The following CHLSN variants were observed in gnomAD, a reference collection of about 807,000 sequenced individuals.
CHLSN encodes protein cholesin.
chr7:1,050,201 T>C, the CHLSN span, among the ~76,000 whole-genome samples: 16 of 152,222 alleles, frequency 1.1e-4, no homozygotes, highest in Admixed American at 9.2e-4. Context: ...AGCCTGCCTG[T>C]GCACCCTGTG....
the CHLSN span, chr7:1,091,913 C>T: frequency 3.1e-6 from 5 of 1,613,984 alleles, no homozygotes; most frequent in African/African-American, 1.3e-5. Flanking sequence ...CTGTTCCTCT[C>T]GTGCCTCTAC....
chr7:1,028,193 TG>T, the CHLSN span: 1 of 977,762 alleles, frequency 1.0e-6, no homozygotes, highest in Non-Finnish European at 1.2e-6. Context: ...GGGGCGGGGC[TG>T]GGGCAGGGCC....
At chr7:1,041,411 CGGGACCTGGGGTCCGCGCTGCGGGGAAG>C in the CHLSN span, among the ~76,000 whole-genome samples, 1,441 of 111,784 alleles carry the variant, frequency 0.013, 21 homozygotes, top group Middle Eastern at 0.017. Flanking sequence ...CTGCGGGGAA[CGGGACCTGGGGTCCGCGCTGCGGGGAAG>C]GGGACCTGGG....
At chr7:1,058,466 G>A in the CHLSN span, 3 of 780,276 alleles carry the variant, frequency 3.8e-6, no homozygotes, top group African/African-American at 1.7e-5. Flanking sequence ...TGCCCTGCGG[G>A]GACCGGCACT....
chr7:1,119,537 G>C, the CHLSN span, among the ~76,000 whole-genome samples: 1 of 152,194 alleles, frequency 6.6e-6, no homozygotes, highest in Non-Finnish European at 1.5e-5. Context: ...AGGATATCTA[G>C]AATCAGAAGG....
the CHLSN span, among the ~76,000 whole-genome samples, chr7:1,100,784 A>C: frequency 6.6e-6 from 1 of 152,034 alleles, no homozygotes; most frequent in African/African-American, 2.4e-5. Context: ...AAAAAAAACA[A>C]AACAAAACCC....
At chr7:1,090,704 GAT>G in the CHLSN span, among the ~76,000 whole-genome samples, 1 of 152,262 alleles carries the variant, frequency 6.6e-6, no homozygotes, top group Non-Finnish European at 1.5e-5. Context: ...CTCTGCAGAG[GAT>G]AAGCTCGGGA....
At chr7:1,048,890 G>C in the CHLSN span, among the ~76,000 whole-genome samples, 5 of 152,242 alleles carry the variant, frequency 3.3e-5, no homozygotes, top group African/African-American at 1.2e-4. Context: ...GCAATGAATA[G>C]AGGCCAGGGA....
At chr7:1,078,507 G>A in the CHLSN span, among the ~76,000 whole-genome samples, 5 of 152,304 alleles carry the variant, frequency 3.3e-5, no homozygotes, top group East Asian at 1.9e-4. Flanking sequence ...CAGGCGCTGC[G>A]CTCAGGTGGG....
chr7:1,136,661 G>GTA, the CHLSN span, among the ~76,000 whole-genome samples: 43 of 145,936 alleles, frequency 2.9e-4, no homozygotes, highest in Non-Finnish European at 5.2e-4. Context: ...TATAAACTGT[G>GTA]TATATATATA....
the CHLSN span, chr7:988,134 T>G: frequency 4.1e-6 from 4 of 983,800 alleles, no homozygotes; most frequent in South Asian, 1.8e-5. Context: ...CCTCCCTGGG[T>G]TTGGGTGCCT....
the CHLSN span, among the ~76,000 whole-genome samples, chr7:1,132,804 A>G: frequency 6.6e-6 from 1 of 152,102 alleles, no homozygotes; most frequent in East Asian, 1.9e-4. Flanking sequence ...ACCTCTAACA[A>G]CTCAACAACA....
the CHLSN span, among the ~76,000 whole-genome samples, chr7:1,064,969 A>G: frequency 6.6e-6 from 1 of 152,242 alleles, no homozygotes. Flanking sequence ...TAAGGCTTCT[A>G]AAGAGAAAAG....
chr7:1,011,433 CCA>C, the CHLSN span, among the ~76,000 whole-genome samples: 1 of 145,258 alleles, frequency 6.9e-6, no homozygotes, highest in South Asian at 2.2e-4. Context: ...CCAGAAACAC[CCA>C]CACACCCAAA....
the CHLSN span, chr7:1,127,185 C>A: frequency 6.7e-7 from 1 of 1,500,206 alleles, no homozygotes. Context: ...GGCTGAGCCA[C>A]CCCCTCTCCC....
chr7:1,104,578 C>G, the CHLSN span, among the ~76,000 whole-genome samples: 1 of 152,334 alleles, frequency 6.6e-6, no homozygotes, highest in South Asian at 2.1e-4. Context: ...GGGGCCCATG[C>G]AGCTTACGTG....
chr7:1,051,647 G>A, the CHLSN span, among the ~76,000 whole-genome samples: 1 of 152,228 alleles, frequency 6.6e-6, no homozygotes, highest in Non-Finnish European at 1.5e-5. Context: ...GGCAGTAGGT[G>A]CAAGGCTGGC....
At chr7:1,055,101 C>A in the CHLSN span, among the ~76,000 whole-genome samples, 3 of 152,208 alleles carry the variant, frequency 2.0e-5, no homozygotes, top group Non-Finnish European at 4.4e-5. Context: ...GCAGAGGCCA[C>A]GGCCTCCATG....
At chr7:1,016,725 A>ATG in the CHLSN span, among the ~76,000 whole-genome samples, 1 of 125,856 alleles carries the variant, frequency 7.9e-6, no homozygotes, top group Non-Finnish European at 1.6e-5. Context: ...ACAGCAGCAC[A>ATG]CAGCAGCACA....
Sources: allele counts gnomAD v4.1 joint callset (sites outside exome capture counted in the v4.1 genomes callset), GRCh38; gene constraint gnomAD v4.1.1; transcripts MANE v1.5; gene names NCBI Gene and HGNC (gene_info 2026-07-23, HGNC 2026-07-21).